Variants in MICAL1 observed in about 807,000 individuals in gnomAD.
MICAL1 encodes the protein microtubule associated monooxygenase, calponin and LIM domain containing 1.
In MICAL1, 95 loss-of-function variants were observed where a neutral mutation model predicts 131.8. The ratio of observed to expected loss-of-function variants is 0.72; its 90% confidence interval spans 0.61 to 0.86. The LOEUF is 0.86. Among genes scored for constraint, MICAL1 ranks in the 40% least tolerant of loss-of-function variants. The pLI, the probability that MICAL1 is intolerant of heterozygous loss-of-function variation, is 0.00. For synonymous variants in MICAL1, 546 were observed against 554.2 expected, an observed-to-expected ratio of 0.99 and a Z score of 0.21; for missense variants, 1,292 against 1,380.6, an observed-to-expected ratio of 0.94 and a Z score of 1.02.
intron 6 of MICAL1, 185 bp from the exon 7 acceptor site, chr6:109,451,885 G>A: frequency 3.6e-6 from 5 of 1,403,132 alleles, no homozygotes; most frequent in Non-Finnish European, 4.6e-6. Flanking sequence ...CAGGAGGCCT[G>A]AGGACTTAGA....
chr6:109,464,464 T>C (rs1775984448), intron 1 of MICAL1: 1 of 152,222 alleles, frequency 6.6e-6, no homozygotes, highest in Non-Finnish European at 1.5e-5. Flanking sequence ...TTAGATATAC[T>C]AGTGCCCACC....
chr6:109,459,930 C>T (rs1185167594), upstream of MICAL1, among the ~76,000 whole-genome samples: 1 of 152,116 alleles, frequency 6.6e-6, no homozygotes, highest in Non-Finnish European at 1.5e-5. Context: ...TATGAATGAA[C>T]TAAAACCAAT....
chr6:109,461,418 C>T (rs991823629), intron 1 of MICAL1, among the ~76,000 whole-genome samples: 21 of 151,864 alleles, frequency 1.4e-4, no homozygotes, highest in Admixed American at 3.9e-4. Flanking sequence ...TTCTGTAGAC[C>T]GTAACTTTCA....
At position 109,453,309 on chromosome 6, in the gene MICAL1, A is replaced by G; in HGVS notation, c.525T>C (p.Ile175=). The G allele has an allele frequency of 6.2e-7, 1 of 1,614,116 alleles. No homozygotes were observed. Among genetic ancestry groups the G allele is most frequent in the Non-Finnish European group, 8.5e-7 (1 of 1,180,006 alleles). Residue 175 remains isoleucine, a synonymous_variant, in exon 4 of 25, where the codon ATT becomes ATC. Coordinates refer to ENST00000358807, the MANE Select transcript of MICAL1 (RefSeq NM_022765.4). ...LKVALLLGVE[I]HWGVTFTGLQ... is the part of the protein sequence containing the mutation. ...GGCCAGTGAAAGTGACACCCCAGTG[A>G]ATTTCCACCCCCAGCAGCAATGCTA...
chr6:109,461,758 C>A lies in MICAL1; in HGVS notation c.14+3906G>T, dbSNP rs539714192. Among the ~76,000 whole-genome samples the A allele has an allele frequency of 1.4e-4, 21 of 151,948 alleles. No individual in the cohort carries two copies. The South Asian group carries it at 4.4e-3, about 32-fold the overall frequency. On this transcript the variant is annotated intron_variant, in intron 1 of 24. Coordinates refer to the MICAL1 transcript ENST00000630715. ...GTATTTAATAATAAATAAGAAATTA[C>A]TTATTTAATAAGAAAATTGTCCTTT...
In MICAL1 at chr6:109,448,848, G is replaced by C; in HGVS notation, c.1548C>G (p.Arg516=). The change falls in exon 12 of 25, where the codon CGC becomes CGG. Residue 516 remains arginine (R), a synonymous_variant. Coordinates refer to ENST00000358807, the MANE Select transcript of MICAL1 (RefSeq NM_022765.4). The part of the protein sequence containing the change: ...GSAGTQEELL[R]WCQEQTAGYP... Reference sequence around the variant, plus strand: ...ACCCAGCTGTCTGCTCCTGGCACCAGCGTAGCAGCTCCTCCTGGGTGCCTG... The same window carrying C: ...ACCCAGCTGTCTGCTCCTGGCACCACCGTAGCAGCTCCTCCTGGGTGCCTG... The C allele has an allele frequency of 6.2e-7, 1 of 1,613,922 alleles. No individual in the cohort carries two copies. Among genetic ancestry groups the C allele is most frequent in the South Asian group, 1.1e-5 (1 of 91,088 alleles).
At chr6:109,452,051 T>C in intron 6 of MICAL1, 195 bp downstream of exon 6, 2 of 1,410,866 alleles carry the variant, frequency 1.4e-6, no homozygotes, top group Non-Finnish European at 1.8e-6. Context: ...TTCCAGGACT[T>C]TTCATGCTGG....
intron 19 of MICAL1, 23 bp downstream of exon 19, chr6:109,446,113 G>GC: frequency 6.5e-7 from 1 of 1,526,890 alleles, no homozygotes; most frequent in Non-Finnish European, 8.8e-7. Flanking sequence ...CCCTGGGTCA[G>GC]CACATCTGTG....
At position 109,446,243 on chromosome 6, in the gene MICAL1, G is replaced by A. The variant is rs144451221; in HGVS notation, c.2474C>T (p.Pro825Leu). ...RLSSLNLTPD[P>L]EMEPPPKPPR... ...AGGCTTGGGTGGAGGCTCCATTTCCGGGTCAGGGGTAAGGTTAAGGGAGGA... is the reference window on the plus strand; with the variant it reads ...AGGCTTGGGTGGAGGCTCCATTTCCAGGTCAGGGGTAAGGTTAAGGGAGGA... The change falls in exon 19 of 25, where the codon CCG becomes CTG. Residue 825 changes from proline (P) to leucine (L), a missense_variant. Pro to Leu is a moderately conservative substitution (Grantham distance 98, BLOSUM62 -3). Coordinates refer to ENST00000358807, the MANE Select transcript of MICAL1 (RefSeq NM_022765.4). 218 of 1,607,700 alleles carry A rather than the reference G, an allele frequency of 1.4e-4. 1 individual carries two copies. The African/African-American group carries it at 2.6e-3, about 19-fold the overall frequency.
At position 109,453,377 on chromosome 6, in the gene MICAL1, A is replaced by G. The variant is rs1317672385; in HGVS notation, c.467-10T>C. On this transcript the variant is annotated splice_polypyrimidine_tract_variant and intron_variant, in intron 3 of 24. Coordinates refer to ENST00000358807, the MANE Select transcript of MICAL1 (RefSeq NM_022765.4). ...TGGAGCTGCCTGATGCCTGGAAGGG[A>G]GAGGACATTAGGAACAGGGACCCTA... is the stretch of plus-strand genomic sequence containing the variant. 2 of 1,612,346 alleles carry G rather than the reference A, an allele frequency of 1.2e-6. No homozygotes were observed. The highest frequency in any genetic ancestry group is 2.7e-5 in the African/African-American group (2 of 74,904).
Position 109,451,207 on chromosome 6 carries a change from G to A in MICAL1, c.933+393C>T, listed in dbSNP as rs557399556. The stretch of plus-strand genomic sequence containing the variant: ...TTCACTTTGTTGCCGAGGCTGGAGT[G>A]CAGTGGCACAATCTTGGCTCACTGC... On this transcript the variant is annotated intron_variant, in intron 7 of 24. Coordinates refer to ENST00000358807, the MANE Select transcript of MICAL1 (RefSeq NM_022765.4). Among the ~76,000 whole-genome samples, 7 of 149,852 alleles carry A rather than the reference G, an allele frequency of 4.7e-5. No individual in the cohort carries two copies. The East Asian group carries it at 9.8e-4, about 21-fold the overall frequency.
At chr6:109,453,203 G>T in intron 4 of MICAL1, 60 bp downstream of exon 4, 1 of 1,391,926 alleles carries the variant, frequency 7.2e-7, no homozygotes, top group Non-Finnish European at 1.0e-6. Context: ...TCCTTTTTCA[G>T]ACACTGGCCA....
At chr6:109,460,585 T>C (rs892450447), upstream of MICAL1, among the ~76,000 whole-genome samples, 1 of 151,922 alleles carries the variant, frequency 6.6e-6, no homozygotes, top group African/African-American at 2.4e-5. Context: ...TGCTTAATTA[T>C]GTGTAAAGGA....
chr6:109,447,966 G>T lies in MICAL1; in HGVS notation c.1856-3C>A. 1 of 1,602,888 alleles carries T rather than the reference G, an allele frequency of 6.2e-7. No individual in the cohort carries two copies. The highest frequency in any genetic ancestry group is 2.2e-5 in the East Asian group (1 of 44,858). ...TGGGGAGGCCTGGCTGACAGGGCCT[G>T]CGGGGAGAGCCAGGGCATCAGTGTG... On this transcript the variant is annotated splice_polypyrimidine_tract_variant and splice_region_variant and intron_variant, in intron 13 of 24. Coordinates refer to ENST00000358807, the MANE Select transcript of MICAL1 (RefSeq NM_022765.4).
At chr6:109,452,830 T>G (rs1775600463) in intron 4 of MICAL1, among the ~76,000 whole-genome samples, 1 of 152,200 alleles carries the variant, frequency 6.6e-6, no homozygotes. Context: ...AATCTGAGGC[T>G]CAGAGTGGCT....
upstream of MICAL1, among the ~76,000 whole-genome samples, chr6:109,458,424 C>A (rs1219909446): frequency 1.3e-5 from 2 of 151,936 alleles, no homozygotes; most frequent in Non-Finnish European, 2.9e-5. Flanking sequence ...GGAGAAACCC[C>A]AACTCTATGA....
In MICAL1 at chr6:109,455,759, T is replaced by C. The variant is rs947923820; in HGVS notation, c.-84A>G. 2.1e-5 allele frequency: 20 copies of C among 933,998 alleles called. No homozygotes were observed. Among genetic ancestry groups the C allele is most frequent in the Non-Finnish European group, 2.5e-5 (20 of 812,642 alleles). 57.9% of individuals were successfully genotyped at this position (933,998 alleles called of 1,614,324 possible). Reference sequence around the variant, plus strand: ...CGGGAGGGGCCGCTTCCTGTTGGGCTGGCAACCAGGTCTGAGCGGGTGGGA... The same window carrying C: ...CGGGAGGGGCCGCTTCCTGTTGGGCCGGCAACCAGGTCTGAGCGGGTGGGA... On this transcript the variant is annotated 5_prime_UTR_variant, in exon 1 of 25. Coordinates refer to ENST00000358807, the MANE Select transcript of MICAL1 (RefSeq NM_022765.4). This position sits in a 1 kb window ranked among gnomAD's most constrained non-coding sequence, Gnocchi z 4.7.
rs760109286 is a variant in MICAL1, at chr6:109,453,374, G to A, written c.467-7C>T. 1 of 1,613,028 alleles carries A rather than the reference G, an allele frequency of 6.2e-7. No homozygotes were observed. Among genetic ancestry groups the A allele is most frequent in the East Asian group, 2.2e-5 (1 of 44,870 alleles). ...AGCTGGAGCTGCCTGATGCCTGGAA[G>A]GGAGAGGACATTAGGAACAGGGACC... On this transcript the variant is annotated splice_polypyrimidine_tract_variant and splice_region_variant and intron_variant, in intron 3 of 24. Coordinates refer to ENST00000358807, the MANE Select transcript of MICAL1 (RefSeq NM_022765.4).
chr6:109,450,131 G>A (rs1562290930), intron 8 of MICAL1, 46 bp from the exon 9 acceptor site: 1 of 1,593,616 alleles, frequency 6.3e-7, no homozygotes. Flanking sequence ...GAATCCAACA[G>A]GTGCATCCCA....
Sources: allele counts gnomAD v4.1 joint callset (sites outside exome capture counted in the v4.1 genomes callset), GRCh38; gene constraint gnomAD v4.1.1; non-coding constraint Gnocchi (gnomAD v3.1); transcripts MANE v1.5; gene names NCBI Gene and HGNC (gene_info 2026-07-23, HGNC 2026-07-21).